TTC21B: variants seen among roughly 807,000 people sequenced by gnomAD.
TTC21B encodes the protein tetratricopeptide repeat protein 21B.
TTC21B carries 127 observed loss-of-function variants against 175.1 expected under a neutral mutation model. The observed-to-expected ratio is 0.73, with a 90% CI of 0.63 to 0.84. TTC21B has a LOEUF of 0.84. Among genes scored for constraint, TTC21B ranks in the 40% least tolerant of loss-of-function variants. The pLI is 0.00. For synonymous variants in TTC21B, 524 were observed against 524.5 expected (o/e 1.00, Z 0.01); for missense variants, 1,561 against 1,558.3 (o/e 1.00, Z -0.03).
Position 165,911,402 on chromosome 2 carries a change from C to G in TTC21B, c.2386G>C (p.Ala796Pro). The change falls in exon 18 of 29, where the codon GCT (alanine) becomes CCT (proline). Residue 796 changes from alanine to proline, a missense_variant. Coordinates refer to ENST00000243344, the MANE Select transcript of TTC21B (RefSeq NM_024753.5). ...GQKNYLCYDL[A>P]ELLLKLKWYD... ...CATTTCAATTTTAATAAGAGCTCAG[C>G]CAGGTCATAGCAAAGATAATTCTTT... 1 of 1,613,820 alleles carries G rather than the reference C, an allele frequency of 6.2e-7. No individual in the cohort carries two copies. Among genetic ancestry groups the G allele is most frequent in the South Asian group, 1.1e-5 (1 of 91,062 alleles).
chr2:165,940,894 G>C, intron 6 of TTC21B, 133 bp downstream of exon 6: 2 of 865,656 alleles, frequency 2.3e-6, no homozygotes, highest in Non-Finnish European at 3.6e-6. Flanking sequence ...ATGATTTTAA[G>C]TATTTCCTCG....
chr2:165,898,626 AG>A, intron 22 of TTC21B, 59 bp downstream of exon 22: 1 of 1,150,372 alleles, frequency 8.7e-7, no homozygotes, highest in East Asian at 2.3e-5. Context: ...ACTAAACAGA[AG>A]AAAAAAGGAG....
chr2:165,891,433 T>C (rs1685188693), intron 22 of TTC21B, among the ~76,000 whole-genome samples: 1 of 152,176 alleles, frequency 6.6e-6, no homozygotes, highest in African/African-American at 2.4e-5. Flanking sequence ...AAATAATGTA[T>C]GGGATGGACA....
chr2:165,891,612 T>C (rs1685197560), intron 22 of TTC21B, among the ~76,000 whole-genome samples: 1 of 147,118 alleles, frequency 6.8e-6, no homozygotes, highest in Non-Finnish European at 1.5e-5. Context: ...CATTCATTCA[T>C]TCATTCCTTT....
At chr2:165,938,908 T>C (rs1687263927) in intron 6 of TTC21B, among the ~76,000 whole-genome samples, 1 of 152,176 alleles carries the variant, frequency 6.6e-6, no homozygotes, top group African/African-American at 2.4e-5. Flanking sequence ...TATTTGAGAC[T>C]ATTGGTAATT....
chr2:165,891,756 T>TA (rs1200792335), intron 22 of TTC21B, among the ~76,000 whole-genome samples: 1 of 151,062 alleles, frequency 6.6e-6, no homozygotes, highest in African/African-American at 2.4e-5. Flanking sequence ...AAATAATGTA[T>TA]AGACACTACA....
intron 5 of TTC21B, among the ~76,000 whole-genome samples, chr2:165,942,240 T>C (rs1687395216): frequency 6.6e-6 from 1 of 152,170 alleles, no homozygotes; most frequent in Non-Finnish European, 1.5e-5. Context: ...CCCCTTCTTT[T>C]TTATCCCTCC....
intron 18 of TTC21B, among the ~76,000 whole-genome samples, chr2:165,908,192 G>T (rs1452735619): frequency 6.6e-6 from 1 of 152,112 alleles, no homozygotes; most frequent in East Asian, 1.9e-4. Context: ...AAGCAATAAA[G>T]TACAGTTGTT....
chr2:165,951,463 T>C (rs891485001), intron 1 of TTC21B, among the ~76,000 whole-genome samples: 1 of 152,172 alleles, frequency 6.6e-6, no homozygotes, highest in African/African-American at 2.4e-5. Context: ...AAAAAATGTG[T>C]CCTGCGCCAA....
chr2:165,946,169 CAAAAAAAA>C (rs3032577), intron 3 of TTC21B, among the ~76,000 whole-genome samples: 1 of 116,608 alleles, frequency 8.6e-6, no homozygotes, highest in Non-Finnish European at 1.7e-5. Flanking sequence ...ACTAAAGATA[CAAAAAAAA>C]AAAAAAAAAA....
At position 165,930,215 on chromosome 2, in the gene TTC21B, C is replaced by T. The variant is rs1686836435; in HGVS notation, c.1044G>A (p.Lys348=). The T allele has an allele frequency of 6.2e-7, 1 of 1,613,202 alleles. No homozygotes were observed. Among genetic ancestry groups the T allele is most frequent in the African/African-American group, 1.3e-5 (1 of 74,860 alleles). The change falls in exon 9 of 29, where the codon AAG becomes AAA. Residue 348 remains lysine, a synonymous_variant. Coordinates refer to ENST00000243344, the MANE Select transcript of TTC21B (RefSeq NM_024753.5). The part of the protein sequence containing the change: ...GRVKEALKWY[K]TAMTLDETSV... ...TAGTCTCATCAAGTGTCATGGCGGT[C>T]TTATACCACTTCAGTGCCTCTTTAA...
chr2:165,945,582 T>C lies in TTC21B; in HGVS notation c.371A>G (p.His124Arg). ...GTCAATATATTCCCTTGCTTTATCATGGCGACCAATGTGCCATAAAAATAA... is the reference window on the plus strand; with the variant it reads ...GTCAATATATTCCCTTGCTTTATCACGGCGACCAATGTGCCATAAAAATAA... ...AGLFLWHIGR[H>R]DKAREYIDRM... The change falls in exon 4 of 29, where the codon CAT becomes CGT. Residue 124 changes from histidine (H) to arginine (R), a missense_variant. By Grantham distance (29) the His-to-Arg change is conservative (BLOSUM62 0). Transcript: ENST00000243344. 1.2e-6 allele frequency: 2 copies of C among 1,613,802 alleles called. No homozygotes were observed. Among genetic ancestry groups the C allele is most frequent in the Non-Finnish European group, 1.7e-6 (2 of 1,179,874 alleles).
At position 165,874,397 on chromosome 2, in the gene TTC21B, A is replaced by G. The variant is rs1415130036; in HGVS notation, c.*358T>C. On this transcript the variant is annotated 3_prime_UTR_variant, in exon 29 of 29. Coordinates refer to ENST00000243344, the MANE Select transcript of TTC21B (RefSeq NM_024753.5). ...TATAACAAAAACACTTTAAAAGAGA[A>G]CAATGCATTTTAAATATATTTCCTG... is the stretch of plus-strand genomic sequence containing the variant. The G allele has an allele frequency of 5.9e-6, 1 of 170,396 alleles. No individual in the cohort carries two copies. The highest frequency in any genetic ancestry group is 2.4e-5 in the African/African-American group (1 of 41,698). 10.6% of individuals were successfully genotyped at this position (170,396 alleles called of 1,614,324 possible). A position where few individuals can be genotyped will look rare whatever the true frequency, so the allele number is the denominator to read the frequency against.
chr2:165,924,569 G>C lies in TTC21B; in HGVS notation c.1496C>G (p.Ala499Gly). Residue 499 changes from alanine (A) to glycine (G), a missense_variant, in exon 12 of 29, where the codon GCA becomes GGA. Coordinates refer to ENST00000243344, the MANE Select transcript of TTC21B (RefSeq NM_024753.5). ...TCTACCTGACAAATATTTCACTTTT[G>C]CTATTAGGAAGACTGTTTGCAGAAG... The part of the protein sequence containing the change: ...PGLLQTVFLI[A>G]KVKYLSGDIE... The C allele has an allele frequency of 6.2e-7, 1 of 1,613,458 alleles. No individual in the cohort carries two copies. Among genetic ancestry groups the C allele is most frequent in the South Asian group, 1.1e-5 (1 of 91,036 alleles).
At chr2:165,876,056 T>C (rs1574056537) in intron 28 of TTC21B, 109 bp downstream of exon 28, 1 of 715,742 alleles carries the variant, frequency 1.4e-6, no homozygotes, top group East Asian at 2.6e-5. Flanking sequence ...ATAAATCATT[T>C]AACTAAAATA....
Position 165,946,852 on chromosome 2 carries a change from G to A in TTC21B, c.263-1162C>T, listed in dbSNP as rs568465443. On this transcript the variant is annotated intron_variant, in intron 3 of 28. Transcript: ENST00000243344. The stretch of plus-strand genomic sequence containing the variant: ...GTATATGGTTAAGGATCACTGTAAT[G>A]CACAATATAGCTATAGAGTTTACAT... Among the ~76,000 whole-genome samples, 21 of 151,986 alleles carry A rather than the reference G, an allele frequency of 1.4e-4. 1 individual carries two copies. Among genetic ancestry groups the A allele is most frequent in the South Asian group, 1.2e-3 (6 of 4,812 alleles).
chr2:165,888,969 G>C (rs1685098117), intron 24 of TTC21B, among the ~76,000 whole-genome samples: 1 of 152,084 alleles, frequency 6.6e-6, no homozygotes, highest in African/African-American at 2.4e-5. Context: ...GTAAACCTAG[G>C]ACCTGAATCT....
chr2:165,924,761 A>T, intron 11 of TTC21B, 83 bp from the exon 12 acceptor site: 1 of 1,451,662 alleles, frequency 6.9e-7, no homozygotes. Context: ...TTTTAGTATA[A>T]CTAACCAAGC....
At chr2:165,891,719 T>C (rs1685202269) in intron 22 of TTC21B, among the ~76,000 whole-genome samples, 1 of 152,068 alleles carries the variant, frequency 6.6e-6, no homozygotes, top group Non-Finnish European at 1.5e-5. Context: ...TTGAGAATAA[T>C]TTAATAAATC....
Sources: gnomAD v4.1 joint callset for allele counts (sites outside exome capture counted in the v4.1 genomes callset) on GRCh38, gnomAD v4.1.1 for gene constraint, MANE v1.5 for transcripts, NCBI Gene and HGNC (gene_info 2026-07-23, HGNC 2026-07-21) for gene names.